The following ACOXL variants were observed in gnomAD, a reference collection of about 807,000 sequenced individuals.
The protein encoded by ACOXL is acyl-CoA oxidase like.
In ACOXL, 70 loss-of-function variants were observed where a neutral mutation model predicts 71.9. The ratio of observed to expected loss-of-function variants is 0.97; its 90% CI spans 0.80 to 1.19. The LOEUF is 1.19. Among genes scored for constraint, ACOXL ranks in the 50% most tolerant of loss-of-function variants. The pLI is 0.00. For missense variants in ACOXL, 703 were observed against 736.3 expected, an observed-to-expected ratio of 0.95 and a Z score of 0.52; for synonymous variants, 253 against 281.6, an observed-to-expected ratio of 0.90 and a Z score of 1.02.
chr2:110,861,998 G>A (rs1304476094), intron 10 of ACOXL, among the ~76,000 whole-genome samples: 2 of 152,198 alleles, frequency 1.3e-5, no homozygotes, highest in East Asian at 3.9e-4. Flanking sequence ...TTTGTGAAAG[G>A]GGATTTGCTC....
chr2:111,023,803 G>A (rs971827595), intron 14 of ACOXL, among the ~76,000 whole-genome samples: 2 of 152,144 alleles, frequency 1.3e-5, no homozygotes, highest in African/African-American at 2.4e-5. Context: ...CACCACAGGG[G>A]CCTTAAAATG....
chr2:110,944,160 C>G (rs976771715), intron 12 of ACOXL, among the ~76,000 whole-genome samples: 1 of 152,044 alleles, frequency 6.6e-6, no homozygotes, highest in African/African-American at 2.4e-5. Flanking sequence ...CAGGCTCAAG[C>G]GATTCTCCGG....
intron 12 of ACOXL, among the ~76,000 whole-genome samples, chr2:110,958,133 A>G (rs763883750): frequency 1.3e-4 from 20 of 151,816 alleles, no homozygotes; most frequent in Non-Finnish European, 2.4e-4. Flanking sequence ...ATGCATACAC[A>G]CGCACACACA....
intron 11 of ACOXL, among the ~76,000 whole-genome samples, chr2:110,923,688 C>G (rs1384062847): frequency 2.6e-5 from 4 of 152,090 alleles, no homozygotes; most frequent in Non-Finnish European, 5.9e-5. Context: ...AATCTCAGCA[C>G]TTTGGGAGGC....
intron 11 of ACOXL, among the ~76,000 whole-genome samples, chr2:110,924,188 C>G (rs1335326051): frequency 6.6e-6 from 1 of 152,148 alleles, no homozygotes. Context: ...GACTAATGAG[C>G]ATCTAAGCCT....
chr2:110,972,130 G>A (rs2062218061), intron 12 of ACOXL, among the ~76,000 whole-genome samples: 2 of 152,296 alleles, frequency 1.3e-5, no homozygotes, highest in South Asian at 2.1e-4. Context: ...CATGGAAAAT[G>A]AAATGAGGAA....
intron 2 of ACOXL, among the ~76,000 whole-genome samples, chr2:110,776,782 A>C (rs1682704205): frequency 6.6e-6 from 1 of 151,948 alleles, no homozygotes; most frequent in Non-Finnish European, 1.5e-5. Flanking sequence ...ACTTGGAGGG[A>C]CTGAGTGGAG....
intron 15 of ACOXL, among the ~76,000 whole-genome samples, chr2:111,045,346 C>T (rs2065961500): frequency 6.6e-6 from 1 of 152,218 alleles, no homozygotes; most frequent in South Asian, 2.1e-4. Flanking sequence ...GTCAACTTGT[C>T]ATGAGGCTTC....
chr2:111,021,058 A>G (rs2064734310), intron 14 of ACOXL, among the ~76,000 whole-genome samples: 1 of 152,194 alleles, frequency 6.6e-6, no homozygotes, highest in Non-Finnish European at 1.5e-5. Context: ...ACGCCTCCCT[A>G]GACAGGGACT....
chr2:110,880,350 A>T (rs6542189), intron 10 of ACOXL, among the ~76,000 whole-genome samples: 45,431 of 151,932 alleles, frequency 0.3, 7,217 homozygotes, highest in Non-Finnish European at 0.35. Flanking sequence ...TTTAATTCGA[A>T]CTGTATGAAT....
chr2:111,115,447 G>C (rs915970457), intron 17 of ACOXL: 1 of 152,166 alleles, frequency 6.6e-6, no homozygotes, highest in Admixed American at 6.5e-5. Flanking sequence ...TGTGAGACCT[G>C]TTCCTGTAGT....
At chr2:110,957,378 T>A (rs1285071929) in intron 12 of ACOXL, among the ~76,000 whole-genome samples, 1 of 152,198 alleles carries the variant, frequency 6.6e-6, no homozygotes, top group Non-Finnish European at 1.5e-5. Context: ...TTATCTCTGG[T>A]CAGGAACAGA....
chr2:110,975,127 G>C (rs560322184), intron 12 of ACOXL, among the ~76,000 whole-genome samples: 3 of 152,282 alleles, frequency 2.0e-5, no homozygotes, highest in Non-Finnish European at 4.4e-5. Flanking sequence ...AAGAGACCAA[G>C]CACATATCTG....
chr2:111,053,112 A>G (rs2066374682), intron 16 of ACOXL, among the ~76,000 whole-genome samples: 1 of 152,222 alleles, frequency 6.6e-6, no homozygotes, highest in Non-Finnish European at 1.5e-5. Context: ...AAGAGGAGGT[A>G]AATTAGACCA....
chr2:110,975,462 C>G (rs200399273), intron 12 of ACOXL, among the ~76,000 whole-genome samples: 2 of 151,752 alleles, frequency 1.3e-5, no homozygotes, highest in East Asian at 1.9e-4. Flanking sequence ...GAGTAAGTTG[C>G]AGACGTCAAA....
chr2:111,046,059 C>T (rs6707536), intron 15 of ACOXL, among the ~76,000 whole-genome samples: 4,213 of 152,298 alleles, frequency 0.028, 193 homozygotes, highest in African/African-American at 0.096. Context: ...ACACTAGAGA[C>T]TGATTGGGAA....
intron 9 of ACOXL, among the ~76,000 whole-genome samples, chr2:110,811,730 TACACACACACACACACACACACAC>T (rs780039810): frequency 6.9e-5 from 7 of 101,660 alleles, no homozygotes; most frequent in East Asian, 3.1e-4. Flanking sequence ...TTTTTTTGCA[TACACACACACACACACACACACAC>T]ACACACACAC....
intron 11 of ACOXL, among the ~76,000 whole-genome samples, chr2:110,909,432 T>G (rs972289055): frequency 2.0e-5 from 3 of 152,104 alleles, no homozygotes; most frequent in African/African-American, 7.2e-5. Context: ...CCCCAAGTGC[T>G]AGGCCATTGT....
chr2:110,737,270 T>G (rs1255099698), intron 1 of ACOXL, among the ~76,000 whole-genome samples: 1 of 152,192 alleles, frequency 6.6e-6, no homozygotes, highest in Non-Finnish European at 1.5e-5. Flanking sequence ...CTCAATTCTC[T>G]TACTTCATTC....
Sources: gnomAD v4.1 joint callset for allele counts (sites outside exome capture counted in the v4.1 genomes callset) on GRCh38, gnomAD v4.1.1 for gene constraint, MANE v1.5 for transcripts, NCBI Gene and HGNC (gene_info 2026-07-23, HGNC 2026-07-21) for gene names.